Variants in ADAMTSL1 observed in about 807,000 individuals in gnomAD.
ADAMTSL1 encodes ADAMTS like 1, also known as ADAMTS-like protein 1.
Under a neutral mutation model 201.8 loss-of-function variants are expected in ADAMTSL1, and 126 were observed. The observed-to-expected ratio is 0.62, with a 90% CI of 0.54 to 0.72. ADAMTSL1 has a LOEUF of 0.72. Among genes scored for constraint, ADAMTSL1 ranks in the 30% least tolerant of loss-of-function variants. The pLI, the probability that ADAMTSL1 is intolerant of heterozygous loss-of-function variation, is 0.00. For missense variants in ADAMTSL1, 2,679 were observed against 2,277.8 expected, an observed-to-expected ratio of 1.18 and a Z score of -3.59; for synonymous variants, 1,121 against 903.4, an observed-to-expected ratio of 1.24 and a Z score of -4.32.
chr9:18,023,125 G>T (rs947923), intron 1 of ADAMTSL1, among the ~76,000 whole-genome samples: 65,568 of 151,564 alleles, frequency 0.43, 14,478 homozygotes, highest in South Asian at 0.52. Context: ...TAGATCTCTA[G>T]TTCAGAATTA....
intron 1 of ADAMTSL1, among the ~76,000 whole-genome samples, chr9:17,999,115 A>C (rs1482225119): frequency 6.6e-6 from 1 of 152,112 alleles, no homozygotes; most frequent in Non-Finnish European, 1.5e-5. Flanking sequence ...GAATACCCAT[A>C]AAGAGAAAAA....
intron 1 of ADAMTSL1, among the ~76,000 whole-genome samples, chr9:18,102,023 T>C (rs1047981189): frequency 3.9e-5 from 6 of 152,200 alleles, no homozygotes; most frequent in Non-Finnish European, 5.9e-5. Flanking sequence ...TGTGGGCATA[T>C]TTTTATGTTT....
At chr9:18,566,965 C>A (rs1383542490) in intron 3 of ADAMTSL1, among the ~76,000 whole-genome samples, 2 of 152,118 alleles carry the variant, frequency 1.3e-5, no homozygotes, top group African/African-American at 2.4e-5. Flanking sequence ...TCAAATATGG[C>A]TCTAAGGCAG....
chr9:18,300,412 G>A (rs1238030886), intron 2 of ADAMTSL1, among the ~76,000 whole-genome samples: 1 of 150,238 alleles, frequency 6.7e-6, no homozygotes, highest in East Asian at 2.0e-4. Context: ...ATTGAACAAT[G>A]AGATCACTTG....
chr9:18,399,299 A>G (rs1299174056), intron 2 of ADAMTSL1, among the ~76,000 whole-genome samples: 1 of 102,264 alleles, frequency 9.8e-6, no homozygotes, highest in East Asian at 3.2e-4. Flanking sequence ...ATATATATAT[A>G]TATATATATA....
At chr9:18,139,861 G>A (rs1331087) in intron 1 of ADAMTSL1, among the ~76,000 whole-genome samples, 119,786 of 151,980 alleles carry the variant, frequency 0.79, 47,331 homozygotes, top group Non-Finnish European at 0.81. Context: ...ATTCCTCTTT[G>A]TTGGTTTCTT....
chr9:17,914,796 C>T (rs1826027961), intron 1 of ADAMTSL1, among the ~76,000 whole-genome samples: 1 of 151,050 alleles, frequency 6.6e-6, no homozygotes, highest in African/African-American at 2.5e-5. Flanking sequence ...CCAAAATCTC[C>T]TTAAGCTGAT....
At chr9:18,139,117 T>C (rs1826285021) in intron 1 of ADAMTSL1, among the ~76,000 whole-genome samples, 1 of 152,166 alleles carries the variant, frequency 6.6e-6, no homozygotes, top group African/African-American at 2.4e-5. Context: ...TTATGGTTTT[T>C]TGACTGATTG....
At chr9:18,635,350 A>G (rs1827046164) in intron 5 of ADAMTSL1, among the ~76,000 whole-genome samples, 1 of 151,748 alleles carries the variant, frequency 6.6e-6, no homozygotes, top group Non-Finnish European at 1.5e-5. Context: ...GTCAATTTCT[A>G]AAAAAAAATT....
chr9:17,992,750 G>A (rs1172004149), intron 1 of ADAMTSL1, among the ~76,000 whole-genome samples: 1 of 152,106 alleles, frequency 6.6e-6, no homozygotes, highest in African/African-American at 2.4e-5. Flanking sequence ...CAAAACAAAT[G>A]AATATTTTGG....
chr9:18,291,963 A>G (rs115981556), intron 2 of ADAMTSL1, among the ~76,000 whole-genome samples: 4,301 of 152,166 alleles, frequency 0.028, 166 homozygotes, highest in African/African-American at 0.084. Flanking sequence ...TAAGAATTGT[A>G]TCCATAAGGT....
In ADAMTSL1 at chr9:18,684,607, T is replaced by G. The variant is rs1830710489; in HGVS notation, c.1490-109T>G. On this transcript the variant is annotated intron_variant, in intron 12 of 28. Coordinates refer to ENST00000380548, the MANE Select transcript of ADAMTSL1 (RefSeq NM_001040272.6). ...GGCAGCAATTTACCCAAAAACTTAT[T>G]CGTGTTGGTCAACGTAGTAACTTCT... 9.0e-6 allele frequency: 11 copies of G among 1,227,248 alleles called. No individual in the cohort carries two copies. In the South Asian group the frequency reaches 2.2e-4, roughly 24 times the overall value. The allele number at this position is 1,227,248 out of a possible 1,614,324, so 76.0% of individuals were successfully genotyped here.
intron 1 of ADAMTSL1, among the ~76,000 whole-genome samples, chr9:18,116,992 G>T (rs1187788221): frequency 1.3e-5 from 2 of 152,172 alleles, no homozygotes; most frequent in Non-Finnish European, 2.9e-5. Context: ...AATTGTAAAA[G>T]CCTAAGCCTC....
intron 1 of ADAMTSL1, among the ~76,000 whole-genome samples, chr9:17,971,432 A>T (rs373880554): frequency 2.6e-5 from 4 of 152,096 alleles, no homozygotes; most frequent in African/African-American, 9.7e-5. Flanking sequence ...TGTGATATTA[A>T]GTGGGCTTTT....
rs183219348 is a variant in ADAMTSL1 at position 18,375,048 on chromosome 9, C to G, written c.208-129781C>G. The stretch of plus-strand genomic sequence containing the variant: ...TTTCAGGGCACTGGGAAACATCTTG[C>G]TCACTTCAAAGTAAAGGGATCAGCC... On this transcript the variant is annotated intron_variant, in intron 2 of 29. Coordinates refer to the ADAMTSL1 transcript ENST00000680146. Among the ~76,000 whole-genome samples the G allele has an allele frequency of 3.7e-4, 57 of 152,318 alleles. 1 individual carries two copies. The East Asian group carries it at 0.01, about 28-fold the overall frequency.
chr9:18,854,429 T>C (rs770184582), intron 23 of ADAMTSL1, among the ~76,000 whole-genome samples: 5 of 152,186 alleles, frequency 3.3e-5, no homozygotes, highest in Admixed American at 1.3e-4. Context: ...TTCAAAAATA[T>C]ACCATACAGA....
intron 18 of ADAMTSL1, among the ~76,000 whole-genome samples, chr9:18,776,392 C>G (rs1225429000): frequency 6.6e-6 from 1 of 152,174 alleles, no homozygotes; most frequent in Non-Finnish European, 1.5e-5. Flanking sequence ...ACGTTGATTT[C>G]TTGTTTAAAA....
Position 18,770,672 on chromosome 9 carries a change from G to T in ADAMTSL1, c.2288G>T (p.Ser763Ile). Residue 763 changes from serine (S) to isoleucine (I), a missense_variant, in exon 17 of 29, where the codon AGC (serine) becomes ATC (isoleucine). Transcript: ENST00000380548. ...VLCKQRMADG[S>I]FLELPETFCS... ...TGCAAGCAGCGCATGGCTGATGGCA[G>T]CTTCCTGGAGCTTCCTGAGACCTTC... 6.2e-7 allele frequency: 1 copy of T among 1,613,574 alleles called. No individual in the cohort carries two copies. Among genetic ancestry groups the T allele is most frequent in the Non-Finnish European group, 8.5e-7 (1 of 1,179,758 alleles).
intron 2 of ADAMTSL1, among the ~76,000 whole-genome samples, chr9:18,509,190 C>CAAA (rs57922962): frequency 0.012 from 238 of 20,470 alleles, 58 homozygotes; most frequent in African/African-American, 0.017. Context: ...GACTCCGTCT[C>CAAA]AAAAAAAAAA....
Sources: allele counts gnomAD v4.1 joint callset (sites outside exome capture counted in the v4.1 genomes callset), GRCh38; gene constraint gnomAD v4.1.1; transcripts MANE v1.5; gene names NCBI Gene and HGNC (gene_info 2026-07-23, HGNC 2026-07-21).